PHIP: variants seen among roughly 807,000 people sequenced by gnomAD.
The protein encoded by PHIP is PH-interacting protein.
PHIP carries 54 observed loss-of-function variants against 236.8 expected under a neutral mutation model. That is an observed-to-expected ratio of 0.23 (90% CI 0.18 to 0.29). The LOEUF (loss-of-function observed/expected upper bound fraction) is 0.29. PHIP is among the 10% of genes least tolerant of loss of function. The probability of loss-of-function intolerance (pLI) is 1.00; values close to 1 mark genes in which losing one functional copy is unlikely to be tolerated. For synonymous variants in PHIP, 756 were observed against 718.9 expected, an observed-to-expected ratio of 1.05 and a Z score of -0.83; for missense variants, 1,370 against 2,190.8, an observed-to-expected ratio of 0.63 and a Z score of 7.48.
chr6:78,960,935 T>C (rs1766732607), intron 31 of PHIP, among the ~76,000 whole-genome samples: 1 of 152,122 alleles, frequency 6.6e-6, no homozygotes, highest in Non-Finnish European at 1.5e-5. Context: ...CAGTAATAAA[T>C]AACTGGTCAC....
At chr6:78,973,360 A>G (rs1767764522) in intron 24 of PHIP, among the ~76,000 whole-genome samples, 2 of 150,972 alleles carry the variant, frequency 1.3e-5, no homozygotes, top group East Asian at 3.9e-4. Flanking sequence ...CCTGCCCTAC[A>G]AGAGCTCCTG....
intron 19 of PHIP, among the ~76,000 whole-genome samples, chr6:78,991,502 T>A (rs969297573): frequency 1.3e-5 from 2 of 152,086 alleles, no homozygotes; most frequent in Non-Finnish European, 2.9e-5. Context: ...AAGGTGAAAC[T>A]GAACAACACA....
chr6:79,030,179 G>C (rs551377737), intron 7 of PHIP, among the ~76,000 whole-genome samples: 1 of 152,280 alleles, frequency 6.6e-6, no homozygotes, highest in East Asian at 1.9e-4. Flanking sequence ...TTAAAAGTGA[G>C]AGGGAGAGAA....
chr6:78,973,213 G>T (rs1030168646), intron 24 of PHIP, among the ~76,000 whole-genome samples: 2 of 151,798 alleles, frequency 1.3e-5, no homozygotes, highest in African/African-American at 4.8e-5. Flanking sequence ...AGAGAGTGGG[G>T]GCCAATATTC....
At chr6:79,046,958 C>A (rs1772523135) in intron 6 of PHIP, among the ~76,000 whole-genome samples, 1 of 149,418 alleles carries the variant, frequency 6.7e-6, no homozygotes, top group African/African-American at 2.5e-5. Context: ...TTCAAAATAT[C>A]TCTAAATAGT....
chr6:79,037,880 T>C (rs9448614), intron 7 of PHIP, among the ~76,000 whole-genome samples: 5,821 of 152,154 alleles, frequency 0.038, 124 homozygotes, highest in African/African-American at 0.047. Context: ...ATCTAAAAAA[T>C]AACAACAAAG....
At chr6:79,061,271 T>C (rs1480908020) in intron 4 of PHIP, among the ~76,000 whole-genome samples, 1 of 152,156 alleles carries the variant, frequency 6.6e-6, no homozygotes, top group Admixed American at 6.6e-5. Context: ...AAAATACTAT[T>C]GTATTACTTC....
At chr6:78,972,732 C>T (rs897295642) in intron 24 of PHIP, among the ~76,000 whole-genome samples, 23 of 152,014 alleles carry the variant, frequency 1.5e-4, no homozygotes, top group Non-Finnish European at 2.5e-4. Flanking sequence ...GTGAAGAATG[C>T]AGAAGCCTCA....
intron 6 of PHIP, among the ~76,000 whole-genome samples, chr6:79,049,559 T>A (rs1264493912): frequency 6.6e-6 from 1 of 152,190 alleles, no homozygotes; most frequent in Non-Finnish European, 1.5e-5. Context: ...CCATCTGTAT[T>A]AATAAAGGCT....
intron 4 of PHIP, among the ~76,000 whole-genome samples, chr6:79,075,582 C>A (rs1393439347): frequency 8.1e-6 from 1 of 123,128 alleles, no homozygotes. Flanking sequence ...CCCCCACCCT[C>A]CCCCCAAAAA....
intron 33 of PHIP, 80 bp downstream of exon 33, chr6:78,955,533 C>A: frequency 3.4e-6 from 2 of 590,156 alleles, no homozygotes; most frequent in Non-Finnish European, 3.0e-6. Context: ...TTCACAACAG[C>A]TTTTACCTGA....
chr6:78,936,075 G>A lies in PHIP; in HGVS notation c.*4618C>T, dbSNP rs1773262249. The A allele has an allele frequency of 1.3e-5, 2 of 151,846 alleles. No individual in the cohort carries two copies. Among genetic ancestry groups the A allele is most frequent in the African/African-American group, 4.8e-5 (2 of 41,412 alleles). The allele number at this position is 151,846 out of a possible 1,614,324, so 9.4% of individuals were successfully genotyped here. A position where few individuals can be genotyped will look rare whatever the true frequency, so the allele number is the denominator to read the frequency against. On this transcript the variant is annotated 3_prime_UTR_variant, in exon 40 of 40. Transcript: ENST00000275034. The stretch of plus-strand genomic sequence containing the variant: ...AGAAAGGGCACTGCTATTCTGGTGT[G>A]AAACTGCTGTTTATAATATGATACT...
chr6:79,049,259 AC>A (rs1772667368), intron 6 of PHIP, among the ~76,000 whole-genome samples: 1 of 151,908 alleles, frequency 6.6e-6, no homozygotes, highest in Non-Finnish European at 1.5e-5. Context: ...ACGGGGTTTC[AC>A]CATGTTGGTC....
chr6:78,966,154 T>C, intron 27 of PHIP, 98 bp from the exon 28 acceptor site: 1 of 739,768 alleles, frequency 1.4e-6, no homozygotes, highest in Non-Finnish European at 2.4e-6. Flanking sequence ...ACTGCCTGTA[T>C]GATTTCAGAA....
rs1328468957 is a variant in PHIP, at chr6:79,021,517, T to TTA, written c.924-2360_924-2359dup. Among the ~76,000 whole-genome samples, 5 of 152,314 alleles carry TTA rather than the reference T, an allele frequency of 3.3e-5. No individual in the cohort carries two copies. In the East Asian group the frequency reaches 9.6e-4, roughly 29 times the overall value. On this transcript the variant is annotated intron_variant, in intron 9 of 39. Coordinates refer to ENST00000275034, the MANE Select transcript of PHIP (RefSeq NM_017934.7). ...TGAACGGATAAAGAAAATGTGGTAC[T>TTA]TATACACAATGGAGTACTATTCAGC... is the stretch of plus-strand genomic sequence containing the variant.
chr6:79,063,472 A>G (rs1773477890), intron 4 of PHIP, among the ~76,000 whole-genome samples: 1 of 152,192 alleles, frequency 6.6e-6, no homozygotes, highest in African/African-American at 2.4e-5. Flanking sequence ...GACGGAGTAC[A>G]ATGGCGGGAT....
intron 6 of PHIP, among the ~76,000 whole-genome samples, chr6:79,055,056 G>C (rs1012286751): frequency 6.6e-6 from 1 of 151,708 alleles, no homozygotes; most frequent in African/African-American, 2.4e-5. Context: ...TAAGAATCAG[G>C]ATTCTCAAAA....
At chr6:79,050,797 A>G (rs1772754406) in intron 6 of PHIP, among the ~76,000 whole-genome samples, 1 of 152,222 alleles carries the variant, frequency 6.6e-6, no homozygotes, top group South Asian at 2.1e-4. Flanking sequence ...ATGCCTAAGC[A>G]TATTACAGTG....
rs577361790 is a variant in PHIP at position 78,969,899 on chromosome 6, G to A, written c.3141C>T (p.Asp1047=). 3.1e-5 allele frequency: 50 copies of A among 1,599,186 alleles called. 1 individual carries two copies. In the South Asian group the frequency reaches 4.4e-4, roughly 14 times the overall value. The change falls in exon 27 of 40, where the codon GAC becomes GAT. Residue 1047 remains aspartate (D), a synonymous_variant. Coordinates refer to ENST00000275034, the MANE Select transcript of PHIP (RefSeq NM_017934.7). ...SFTMKYHDMP[D]VIDFLVLRQQ... The stretch of plus-strand genomic sequence containing the variant: ...GTCTCAAGACTAGGAAATCTATAAC[G>A]TCAGGCATATCATGGTATCTAATTA...
Sources: allele counts gnomAD v4.1 joint callset (sites outside exome capture counted in the v4.1 genomes callset), GRCh38; gene constraint gnomAD v4.1.1; transcripts MANE v1.5; gene names NCBI Gene and HGNC (gene_info 2026-07-23, HGNC 2026-07-21).